The following RASGRF2 variants were observed in gnomAD, a reference collection of about 807,000 sequenced individuals.
RASGRF2 encodes the protein Ras protein specific guanine nucleotide releasing factor 2, also known as ras-specific guanine nucleotide-releasing factor 2.
RASGRF2 carries 76 observed loss-of-function variants against 151.0 expected under a neutral mutation model. The ratio of observed to expected loss-of-function variants is 0.50; its 90% CI spans 0.42 to 0.61. RASGRF2 has a LOEUF of 0.61. Among genes scored for constraint, RASGRF2 ranks in the 20% least tolerant of loss-of-function variants. RASGRF2 has a pLI of 0.00. For synonymous variants in RASGRF2, 504 were observed against 566.5 expected (o/e 0.89, Z 1.57); for missense variants, 1,148 against 1,564.6 (o/e 0.73, Z 4.49).
intron 18 of RASGRF2, among the ~76,000 whole-genome samples, chr5:81,197,073 T>G (rs1755280995): frequency 6.6e-6 from 1 of 152,218 alleles, no homozygotes; most frequent in Admixed American, 6.5e-5. Flanking sequence ...ATCTGAAGCC[T>G]TAATATTGAT....
intron 1 of RASGRF2, among the ~76,000 whole-genome samples, chr5:81,002,502 A>G (rs74403069): frequency 0.015 from 2,278 of 152,226 alleles, 55 homozygotes; most frequent in African/African-American, 0.048. Context: ...CATTTTTAAT[A>G]TTTTCTGTGA....
At chr5:81,111,443 T>C (rs147418612) in intron 13 of RASGRF2, among the ~76,000 whole-genome samples, 47 of 152,316 alleles carry the variant, frequency 3.1e-4, no homozygotes, top group African/African-American at 1.1e-3. Context: ...AGGATGGCAG[T>C]GGTAGGTGCT....
chr5:81,081,987 T>G (rs952616612), intron 7 of RASGRF2, among the ~76,000 whole-genome samples: 3 of 152,248 alleles, frequency 2.0e-5, no homozygotes, highest in Non-Finnish European at 4.4e-5. Context: ...TTTAAGATTT[T>G]ATTTATAATG....
intron 1 of RASGRF2, among the ~76,000 whole-genome samples, chr5:80,985,408 A>T (rs758398332): frequency 1.2e-4 from 19 of 152,234 alleles, no homozygotes; most frequent in Non-Finnish European, 2.1e-4. Context: ...AGTAATTGAT[A>T]TACGATGTAG....
At chr5:81,008,252 G>A (rs1032939796) in intron 1 of RASGRF2, among the ~76,000 whole-genome samples, 1 of 141,132 alleles carries the variant, frequency 7.1e-6, no homozygotes, top group African/African-American at 2.6e-5. Flanking sequence ...CCGGGTTCAA[G>A]CAATTCTCCT....
chr5:81,211,378 T>C (rs1444349248), intron 22 of RASGRF2, among the ~76,000 whole-genome samples: 5 of 152,212 alleles, frequency 3.3e-5, no homozygotes, highest in Admixed American at 3.3e-4. Flanking sequence ...TGTCTTTCTG[T>C]TCCCAGCACC....
At chr5:81,043,740 T>C (rs953333921) in intron 2 of RASGRF2, among the ~76,000 whole-genome samples, 1 of 152,186 alleles carries the variant, frequency 6.6e-6, no homozygotes, top group Admixed American at 6.5e-5. Flanking sequence ...CTCTCTTGTC[T>C]TGCTCATCTC....
At chr5:81,086,438 T>C (rs1050803507) in intron 8 of RASGRF2, among the ~76,000 whole-genome samples, 6 of 152,218 alleles carry the variant, frequency 3.9e-5, no homozygotes. Flanking sequence ...TTTTCATTGT[T>C]ACAAGCACTT....
intron 9 of RASGRF2, 106 bp from the exon 10 acceptor site, chr5:81,092,695 A>G (rs777937173): frequency 2.5e-5 from 26 of 1,029,718 alleles, no homozygotes; most frequent in Non-Finnish European, 3.6e-5. Context: ...ACATAAATCA[A>G]TCCCTGGTAT....
intron 17 of RASGRF2, among the ~76,000 whole-genome samples, chr5:81,164,442 G>A (rs1188194803): frequency 4.9e-5 from 6 of 121,796 alleles, no homozygotes; most frequent in African/African-American, 1.8e-4. Context: ...ACTCAAAATT[G>A]GGCCACGTTT....
intron 17 of RASGRF2, among the ~76,000 whole-genome samples, chr5:81,175,039 C>G (rs1205549264): frequency 1.3e-5 from 2 of 152,200 alleles, no homozygotes; most frequent in Non-Finnish European, 2.9e-5. Context: ...ATTAAGAGCA[C>G]TCTAGTTTTA....
intron 13 of RASGRF2, among the ~76,000 whole-genome samples, chr5:81,110,810 A>C (rs1460776430): frequency 6.6e-6 from 1 of 152,206 alleles, no homozygotes; most frequent in Non-Finnish European, 1.5e-5. Flanking sequence ...TAAGAACCAG[A>C]AAAATAAAGT....
chr5:81,012,231 C>A (rs1445035538), intron 1 of RASGRF2, among the ~76,000 whole-genome samples: 2 of 152,054 alleles, frequency 1.3e-5, no homozygotes, highest in Admixed American at 6.5e-5. Flanking sequence ...TTTTTCTTGA[C>A]CTTATTTACT....
intron 17 of RASGRF2, among the ~76,000 whole-genome samples, chr5:81,131,735 C>G: frequency 6.6e-6 from 1 of 151,414 alleles, no homozygotes; most frequent in East Asian, 1.9e-4. Flanking sequence ...TTGGATGAGT[C>G]TTTTCCTTCC....
intron 1 of RASGRF2, among the ~76,000 whole-genome samples, chr5:81,032,713 A>C (rs1276165787): frequency 6.6e-6 from 1 of 150,550 alleles, no homozygotes; most frequent in Non-Finnish European, 1.5e-5. Context: ...AAAACCTGGA[A>C]GCATTCCCTT....
At chr5:81,150,209 G>A (rs571234817) in intron 17 of RASGRF2, among the ~76,000 whole-genome samples, 1 of 152,138 alleles carries the variant, frequency 6.6e-6, no homozygotes, top group Non-Finnish European at 1.5e-5. Flanking sequence ...AGTAAAGAGT[G>A]GTCAAGAGAG....
chr5:81,192,779 T>C (rs969183217), intron 18 of RASGRF2, among the ~76,000 whole-genome samples: 2 of 152,234 alleles, frequency 1.3e-5, no homozygotes, highest in Non-Finnish European at 2.9e-5. Context: ...AAGGCTGATT[T>C]GCATATATCA....
At chr5:80,988,054 GTCT>G (rs951059636) in intron 1 of RASGRF2, among the ~76,000 whole-genome samples, 22 of 122,054 alleles carry the variant, frequency 1.8e-4, no homozygotes, top group Admixed American at 2.5e-4. Context: ...TGTGTGTGTA[GTCT>G]TCTTCTTCTT....
chr5:81,068,001 T>G (rs972978528), intron 2 of RASGRF2, 31 bp from the exon 3 acceptor site: 1 of 1,560,886 alleles, frequency 6.4e-7, no homozygotes, highest in Admixed American at 1.9e-5. Flanking sequence ...GAACAATATC[T>G]CAATGACTAA....
Sources: allele counts gnomAD v4.1 joint callset (sites outside exome capture counted in the v4.1 genomes callset), GRCh38; gene constraint gnomAD v4.1.1; transcripts MANE v1.5; gene names NCBI Gene and HGNC (gene_info 2026-07-23, HGNC 2026-07-21).